PTPN9: variants seen among roughly 807,000 people sequenced by gnomAD.
PTPN9 encodes tyrosine-protein phosphatase non-receptor type 9.
PTPN9 carries 26 observed loss-of-function variants against 69.8 expected under a neutral mutation model. That is an observed-to-expected ratio of 0.37 (90% CI 0.27 to 0.52). The LOEUF is 0.52. Among genes scored for constraint, PTPN9 ranks in the 20% least tolerant of loss-of-function variants. The pLI is 0.91. For synonymous variants in PTPN9, 274 were observed against 272.5 expected (o/e 1.01, Z -0.05); for missense variants, 549 against 740.3 (o/e 0.74, Z 3.00).
At chr15:75,526,682 T>C (rs2074929335) in intron 2 of PTPN9, among the ~76,000 whole-genome samples, 1 of 152,200 alleles carries the variant, frequency 6.6e-6, no homozygotes, top group African/African-American at 2.4e-5. Flanking sequence ...TGCTCTTCTT[T>C]TCCAGTGTTA....
In PTPN9 at chr15:75,479,774, TTA is replaced by T; in HGVS notation, c.1129+72_1129+73del. ...ACTCAAGTTACCATTCGTTTAAAAA[TTA>T]TGCTATCATTTGGCACAAGGAATCA... On this transcript the variant is annotated intron_variant, in intron 9 of 12. Coordinates refer to ENST00000618819, the MANE Select transcript of PTPN9 (RefSeq NM_002833.4). 5 of 1,295,250 alleles carry T rather than the reference TTA, an allele frequency of 3.9e-6. No homozygotes were observed. In the African/African-American group the frequency reaches 7.5e-5, roughly 19 times the overall value. The allele number at this position is 1,295,250 out of a possible 1,614,324, so 80.2% of individuals were successfully genotyped here.
rs573755491 is a variant in PTPN9 at position 75,467,771 on chromosome 15, C to T, written c.*998G>A. 3.3e-5 allele frequency: 5 copies of T among 152,680 alleles called. No individual in the cohort carries two copies. The highest frequency in any genetic ancestry group is 3.9e-4 in the East Asian group (2 of 5,182). 9.5% of individuals were successfully genotyped at this position (152,680 alleles called of 1,614,324 possible). On this transcript the variant is annotated 3_prime_UTR_variant, in exon 13 of 13. Transcript: ENST00000618819. ...GCTCAGTGAGTTCATCTCTACCCTC[C>T]GCCTCCCATCCCTGGGATAGTGAAA...
rs1312067118 is a variant in PTPN9, at chr15:75,505,078, T to C, written c.968+597A>G. Among the ~76,000 whole-genome samples, 6 of 152,278 alleles carry C rather than the reference T, an allele frequency of 3.9e-5. No homozygotes were observed. The South Asian group carries it at 6.2e-4, about 16-fold the overall frequency. On this transcript the variant is annotated intron_variant, in intron 7 of 12. Transcript: ENST00000618819. ...ATGGTTGCCGTGTCTGTGTAGAAAG[T>C]AGACATGGGAGACTTTTCATTTTGT...
chr15:75,501,146 T>A (rs2074770415), intron 7 of PTPN9, among the ~76,000 whole-genome samples: 1 of 152,140 alleles, frequency 6.6e-6, no homozygotes, highest in South Asian at 2.1e-4. Context: ...CTCATTATTT[T>A]CCCTCTTTGC....
chr15:75,547,284 G>C (rs965000902), intron 1 of PTPN9, among the ~76,000 whole-genome samples: 2 of 101,360 alleles, frequency 2.0e-5, no homozygotes, highest in Non-Finnish European at 3.6e-5. Flanking sequence ...GACAGAGCAA[G>C]ACTCTGTCTC....
intron 2 of PTPN9, among the ~76,000 whole-genome samples, chr15:75,526,635 A>G (rs1331650110): frequency 2.6e-5 from 4 of 152,230 alleles, no homozygotes; most frequent in African/African-American, 4.8e-5. Context: ...ATTTGCATAA[A>G]GATACTTTAA....
At chr15:75,487,197 AAAC>A (rs2074683538) in intron 8 of PTPN9, 1 of 152,112 alleles carries the variant, frequency 6.6e-6, no homozygotes, top group African/African-American at 2.4e-5. Context: ...TAAAATTTAA[AAAC>A]AACTAAATGT....
intron 1 of PTPN9, among the ~76,000 whole-genome samples, chr15:75,528,953 C>A (rs367633223): frequency 6.6e-6 from 1 of 151,382 alleles, no homozygotes; most frequent in Non-Finnish European, 1.5e-5. Context: ...CATTCCATCT[C>A]GCATTCCCAA....
intron 10 of PTPN9, among the ~76,000 whole-genome samples, chr15:75,473,410 C>G (rs533947039): frequency 6.6e-6 from 1 of 152,002 alleles, no homozygotes; most frequent in Non-Finnish European, 1.5e-5. Context: ...CCACAATGCC[C>G]GGCTAATTTT....
chr15:75,506,028 G>A (rs2141311203), intron 6 of PTPN9, 25 bp from the exon 7 acceptor site: 1 of 1,536,288 alleles, frequency 6.5e-7, no homozygotes, highest in South Asian at 1.1e-5. Flanking sequence ...AGAACCATGT[G>A]AGTATGTGGG....
At chr15:75,470,531 G>A in intron 11 of PTPN9, 149 bp downstream of exon 11, 1 of 939,552 alleles carries the variant, frequency 1.1e-6, no homozygotes, top group Admixed American at 2.4e-5. Context: ...TATATTGGCT[G>A]TGAGTTAAAT....
chr15:75,481,862 C>T (rs559700955), intron 8 of PTPN9, among the ~76,000 whole-genome samples: 23 of 144,928 alleles, frequency 1.6e-4, no homozygotes, highest in African/African-American at 4.3e-4. Flanking sequence ...CCTGGCCAGC[C>T]GCCCCTCCGG....
intron 5 of PTPN9, among the ~76,000 whole-genome samples, chr15:75,510,669 C>T (rs2074841464): frequency 6.6e-6 from 1 of 150,796 alleles, no homozygotes; most frequent in African/African-American, 2.4e-5. Flanking sequence ...GCTGTACCAC[C>T]GATTCCACCA....
intron 7 of PTPN9, among the ~76,000 whole-genome samples, chr15:75,503,560 C>G (rs1382582004): frequency 5.7e-5 from 6 of 104,580 alleles, no homozygotes; most frequent in African/African-American, 1.2e-4. Flanking sequence ...GGTCAGCCCC[C>G]CGCCCGGCCA....
At chr15:75,517,437 A>G in intron 4 of PTPN9, 73 bp from the exon 5 acceptor site, 1 of 1,197,642 alleles carries the variant, frequency 8.3e-7, no homozygotes, top group East Asian at 2.4e-5. Context: ...GCCTAATGCC[A>G]AAACAAAACC....
intron 1 of PTPN9, among the ~76,000 whole-genome samples, chr15:75,533,927 T>C (rs867059394): frequency 6.6e-6 from 1 of 152,336 alleles, no homozygotes. Context: ...CCTTAAATCC[T>C]ATATCCCAAG....
In PTPN9 at chr15:75,578,925, C is replaced by T; in HGVS notation, c.-149G>A. 2.9e-6 allele frequency: 1 copy of T among 350,792 alleles called. No homozygotes were observed. Among genetic ancestry groups the T allele is most frequent in the Non-Finnish European group, 4.8e-6 (1 of 208,826 alleles). The allele number at this position is 350,792 out of a possible 1,614,324, so 21.7% of individuals were successfully genotyped here. A position where few individuals can be genotyped will look rare whatever the true frequency, so the allele number is the denominator to read the frequency against. ...CGGCAGGGCCCGGCGCCTGCAGCGGCCGCAAACGCCGCTTCTGCTTCCTTA... is the reference window on the plus strand; with the variant it reads ...CGGCAGGGCCCGGCGCCTGCAGCGGTCGCAAACGCCGCTTCTGCTTCCTTA... On this transcript the variant is annotated 5_prime_UTR_variant, in exon 1 of 13. Transcript: ENST00000618819.
At chr15:75,531,977 T>G (rs1442296193) in intron 1 of PTPN9, among the ~76,000 whole-genome samples, 2 of 152,190 alleles carry the variant, frequency 1.3e-5, no homozygotes, top group Admixed American at 1.3e-4. Context: ...TTTTTCCTGC[T>G]ACTTAGCTGG....
At chr15:75,477,411 A>T (rs946886730) in intron 9 of PTPN9, among the ~76,000 whole-genome samples, 12 of 152,096 alleles carry the variant, frequency 7.9e-5, no homozygotes, top group African/African-American at 2.9e-4. Context: ...CCTAGGCAAC[A>T]TGGTGAAACC....
Sources: allele counts gnomAD v4.1 joint callset (sites outside exome capture counted in the v4.1 genomes callset), GRCh38; gene constraint gnomAD v4.1.1; transcripts MANE v1.5; gene names NCBI Gene and HGNC (gene_info 2026-07-23, HGNC 2026-07-21).